Variants in EPB41L4A observed in about 807,000 individuals in gnomAD.
EPB41L4A encodes erythrocyte membrane protein band 4.1 like 4A, also known as band 4.1-like protein 4A.
EPB41L4A carries 100 observed loss-of-function variants against 108.6 expected under a neutral mutation model. The ratio of observed to expected loss-of-function variants is 0.92; its 90% CI spans 0.78 to 1.09. The LOEUF (loss-of-function observed/expected upper bound fraction) is 1.09, where lower values mean the gene tolerates loss of function less well. Among genes scored for constraint, EPB41L4A ranks in the 50% least tolerant of loss-of-function variants. The probability of loss-of-function intolerance (pLI) is 0.00; values close to 1 mark genes in which losing one functional copy is unlikely to be tolerated. For synonymous variants in EPB41L4A, 319 were observed against 289.0 expected, an observed-to-expected ratio of 1.10 and a Z score of -1.05; for missense variants, 1,030 against 842.7, an observed-to-expected ratio of 1.22 and a Z score of -2.75.
chr5:112,362,301 G>C (rs1758822602), intron 1 of EPB41L4A, among the ~76,000 whole-genome samples: 1 of 127,428 alleles, frequency 7.8e-6, no homozygotes, highest in Non-Finnish European at 1.7e-5. Flanking sequence ...TTTTTTTTGA[G>C]ATGGAGTCTC....
chr5:112,349,217 A>C (rs999390061), intron 1 of EPB41L4A, among the ~76,000 whole-genome samples: 4 of 152,218 alleles, frequency 2.6e-5, no homozygotes, highest in African/African-American at 9.6e-5. Flanking sequence ...AGGGGGAATA[A>C]GGACATCATT....
downstream of EPB41L4A, chr5:112,161,703 G>A: frequency 2.1e-6 from 1 of 485,374 alleles, no homozygotes; most frequent in East Asian, 5.5e-5. Context: ...TTTTGTTCAG[G>A]TGGAAGATGG....
chr5:112,255,849 T>C (rs929044614), intron 9 of EPB41L4A, among the ~76,000 whole-genome samples: 3 of 152,154 alleles, frequency 2.0e-5, no homozygotes, highest in Non-Finnish European at 4.4e-5. Context: ...ACATCTCAAA[T>C]TCAACATGTT....
intron 1 of EPB41L4A, among the ~76,000 whole-genome samples, chr5:112,350,374 T>C (rs1359016301): frequency 6.6e-6 from 1 of 152,146 alleles, no homozygotes; most frequent in Non-Finnish European, 1.5e-5. Context: ...GCTGTACACA[T>C]GTATGGGGGA....
chr5:112,261,441 A>C (rs1751475464), intron 7 of EPB41L4A, among the ~76,000 whole-genome samples: 1 of 152,254 alleles, frequency 6.6e-6, no homozygotes, highest in South Asian at 2.1e-4. Flanking sequence ...CCAGCAATTC[A>C]TTTCCTATAA....
At chr5:112,144,201 T>C (rs759347405) in intron 13 of EPB41L4A, among the ~76,000 whole-genome samples, 19 of 152,242 alleles carry the variant, frequency 1.2e-4, no homozygotes, top group Non-Finnish European at 2.9e-5. Context: ...AGCATTTTAT[T>C]ATACTTAACT....
chr5:112,188,505 C>T lies in EPB41L4A; in HGVS notation c.1503-4370G>A, dbSNP rs913662318. On this transcript the variant is annotated intron_variant, in intron 17 of 22. Coordinates refer to ENST00000261486, the MANE Select transcript of EPB41L4A (RefSeq NM_022140.5). ...CCTCACTCAGTAATGTAACAGCATT[C>T]CTCAGTTGCTGCGGCTTTGTCCTTC... Among the ~76,000 whole-genome samples the T allele has an allele frequency of 4.1e-4, 63 of 152,168 alleles. 1 individual carries two copies. The highest frequency in any genetic ancestry group is 8.7e-4 in the Non-Finnish European group (59 of 68,038).
downstream of EPB41L4A, among the ~76,000 whole-genome samples, chr5:112,159,999 G>A (rs375077026): frequency 3.1e-4 from 22 of 72,062 alleles, no homozygotes; most frequent in South Asian, 4.1e-3. Flanking sequence ...CCCCCACCCC[G>A]CCCGGGTTCA....
At chr5:112,205,728 G>A (rs1264018886) in intron 13 of EPB41L4A, among the ~76,000 whole-genome samples, 1 of 152,100 alleles carries the variant, frequency 6.6e-6, no homozygotes, top group Non-Finnish European at 1.5e-5. Flanking sequence ...TAGTTTTACT[G>A]CTTTAGTCAA....
chr5:112,386,570 G>A (rs753293439), intron 1 of EPB41L4A, among the ~76,000 whole-genome samples: 6 of 152,112 alleles, frequency 3.9e-5, no homozygotes, highest in South Asian at 2.1e-4. Flanking sequence ...GGATGTAACC[G>A]TCAGGCTCTG....
At position 112,244,051 on chromosome 5, in the gene EPB41L4A, T is replaced by C. The variant is rs564424731; in HGVS notation, c.796-3241A>G. ...AGCCTATCTCACCCTTTAAGATGAC[T>C]TCCTCACTAAGCTTAATCATTTCTA... On this transcript the variant is annotated intron_variant, in intron 9 of 22. Coordinates refer to ENST00000261486, the MANE Select transcript of EPB41L4A (RefSeq NM_022140.5). Among the ~76,000 whole-genome samples the C allele has an allele frequency of 2.4e-4, 36 of 152,342 alleles. No individual in the cohort carries two copies. In the South Asian group the frequency reaches 6.8e-3, roughly 29 times the overall value.
At chr5:112,280,373 G>C in intron 2 of EPB41L4A, 50 bp from the exon 3 acceptor site, 1 of 1,521,858 alleles carries the variant, frequency 6.6e-7, no homozygotes, top group Non-Finnish European at 9.1e-7. Context: ...CTTTTCATTA[G>C]CTTTTACTTC....
intron 1 of EPB41L4A, among the ~76,000 whole-genome samples, chr5:112,367,851 G>T (rs373041695): frequency 6.7e-6 from 1 of 148,590 alleles, no homozygotes; most frequent in Non-Finnish European, 1.5e-5. Flanking sequence ...CTCAGTACCC[G>T]GCTGAACAAA....
Position 112,268,671 on chromosome 5 carries a change from G to C in EPB41L4A, c.336-2341C>G, listed in dbSNP as rs868439684. On this transcript the variant is annotated intron_variant, in intron 4 of 22. Transcript: ENST00000261486. ...TTGAGACAAGCATGGACAACATAGT[G>C]ATAACCCCATCTCTACAAAAAACAA... Among the ~76,000 whole-genome samples, 18 of 151,676 alleles carry C rather than the reference G, an allele frequency of 1.2e-4. No homozygotes were observed. In the Middle Eastern group the frequency reaches 0.02, roughly 172 times the overall value.
chr5:112,298,954 T>G (rs1410830817), intron 2 of EPB41L4A, among the ~76,000 whole-genome samples: 1 of 152,208 alleles, frequency 6.6e-6, no homozygotes, highest in Non-Finnish European at 1.5e-5. Context: ...ATAGTAGCCT[T>G]GAATGATCTT....
At chr5:112,197,113 C>A (rs929878814) in intron 15 of EPB41L4A, 2 of 86,648 alleles carry the variant, frequency 2.3e-5, no homozygotes, top group Non-Finnish European at 5.1e-5. Flanking sequence ...TACCCTCCCA[C>A]CTCTCACACA....
At chr5:112,418,909 A>C in intron 1 of EPB41L4A, 32 bp downstream of exon 1, 1 of 1,570,932 alleles carries the variant, frequency 6.4e-7, no homozygotes, top group Non-Finnish European at 8.7e-7. Flanking sequence ...CCCTGCCGCC[A>C]ACCCCCGGAA....
intron 9 of EPB41L4A, 61 bp downstream of exon 9, chr5:112,259,168 G>T: frequency 7.8e-7 from 1 of 1,289,480 alleles, no homozygotes; most frequent in Non-Finnish European, 1.1e-6. Flanking sequence ...TGTCTTTTAA[G>T]CTACAAATGA....
chr5:112,417,654 T>G lies in EPB41L4A; in HGVS notation c.99+1287A>C, dbSNP rs562400570. Among the ~76,000 whole-genome samples, 11 of 151,844 alleles carry G rather than the reference T, an allele frequency of 7.2e-5. No homozygotes were observed. The South Asian group carries it at 2.3e-3, about 32-fold the overall frequency. ...AAATGTACACCCTCCCCGAAAAGAGTCTATTTTATTGGTCTTGAAAGGAAA... is the reference window on the plus strand; with the variant it reads ...AAATGTACACCCTCCCCGAAAAGAGGCTATTTTATTGGTCTTGAAAGGAAA... On this transcript the variant is annotated intron_variant, in intron 1 of 22. Coordinates refer to ENST00000261486, the MANE Select transcript of EPB41L4A (RefSeq NM_022140.5).
Sources: gnomAD v4.1 joint callset for allele counts (sites outside exome capture counted in the v4.1 genomes callset) on GRCh38, gnomAD v4.1.1 for gene constraint, MANE v1.5 for transcripts, NCBI Gene and HGNC (gene_info 2026-07-23, HGNC 2026-07-21) for gene names.